The following FRMD4B variants were observed in gnomAD, a reference collection of about 807,000 sequenced individuals.
The protein encoded by FRMD4B is FERM domain-containing protein 4B.
FRMD4B carries 74 observed loss-of-function variants against 141.5 expected under a neutral mutation model. That is an observed-to-expected ratio of 0.52 (90% CI 0.43 to 0.63). FRMD4B has a LOEUF of 0.63. FRMD4B is among the 30% of genes least tolerant of loss of function. The pLI is 0.00. For synonymous variants in FRMD4B, 506 were observed against 467.9 expected, an observed-to-expected ratio of 1.08 and a Z score of -1.05; for missense variants, 1,366 against 1,253.4, an observed-to-expected ratio of 1.09 and a Z score of -1.36.
intron 7 of FRMD4B, among the ~76,000 whole-genome samples, chr3:69,244,577 G>A (rs1240080161): frequency 1.3e-5 from 2 of 152,156 alleles, no homozygotes. Flanking sequence ...AGGTTGCAGT[G>A]AGCCAAGATG....
At position 69,465,338 on chromosome 3, in the gene FRMD4B, C is replaced by T. The variant is rs542258309; in HGVS notation, c.-128-32577G>A. Among the ~76,000 whole-genome samples the T allele has an allele frequency of 3.5e-4, 52 of 149,230 alleles. No homozygotes were observed. The East Asian group carries it at 9.9e-3, about 28-fold the overall frequency. On this transcript the variant is annotated intron_variant, in intron 1 of 5. Coordinates refer to the FRMD4B transcript ENST00000459638. ...CCGTCTCAAAAAAAAAAAAAAAAAC[C>T]TTCAGGAAATACAGAATTCCATGAG...
chr3:69,243,792 T>A (rs1394796400), intron 7 of FRMD4B, among the ~76,000 whole-genome samples: 1 of 152,172 alleles, frequency 6.6e-6, no homozygotes, highest in African/African-American at 2.4e-5. Flanking sequence ...ACGCTTGTAA[T>A]CCCAGCACTT....
At chr3:69,392,228 G>A (rs73107500) in intron 2 of FRMD4B, among the ~76,000 whole-genome samples, 62,342 of 152,084 alleles carry the variant, frequency 0.41, 15,081 homozygotes, top group East Asian at 0.53. Flanking sequence ...CTAGAGGACA[G>A]TGGGGAAGTC....
chr3:69,234,244 CA>C (rs34192296), intron 7 of FRMD4B, among the ~76,000 whole-genome samples: 12,401 of 75,296 alleles, frequency 0.16, 581 homozygotes, highest in East Asian at 0.35. Context: ...GACCCTGTCT[CA>C]AAAAAAAAAA....
At chr3:69,445,634 G>A (rs530933052) in intron 1 of FRMD4B, among the ~76,000 whole-genome samples, 108 of 152,154 alleles carry the variant, frequency 7.1e-4, no homozygotes, top group African/African-American at 2.6e-3. Context: ...ACCCCACATT[G>A]GCCTCCTTTT....
At chr3:69,441,004 TG>T (rs1705333440) in intron 1 of FRMD4B, among the ~76,000 whole-genome samples, 1 of 152,180 alleles carries the variant, frequency 6.6e-6, no homozygotes, top group Non-Finnish European at 1.5e-5. Context: ...CTGAAGCAGA[TG>T]TATATTTTCT....
chr3:69,271,848 G>A (rs1177326624), intron 5 of FRMD4B, among the ~76,000 whole-genome samples: 3 of 152,006 alleles, frequency 2.0e-5, no homozygotes, highest in Admixed American at 1.3e-4. Flanking sequence ...GGTGGCGGAC[G>A]CCTATAATCC....
chr3:69,232,540 C>A (rs1426561767), intron 7 of FRMD4B, among the ~76,000 whole-genome samples: 2 of 152,164 alleles, frequency 1.3e-5, no homozygotes, highest in East Asian at 3.9e-4. Flanking sequence ...GGCTGTTTTT[C>A]TTTACTGACC....
intron 5 of FRMD4B, 122 bp from the exon 6 acceptor site, chr3:69,250,221 T>C (rs2093453794): frequency 1.3e-6 from 1 of 764,452 alleles, no homozygotes; most frequent in Admixed American, 1.8e-5. Flanking sequence ...ATGCAGATCA[T>C]ACCATTGCAG....
At chr3:69,468,423 C>G (rs1275542406) in intron 1 of FRMD4B, among the ~76,000 whole-genome samples, 3 of 152,146 alleles carry the variant, frequency 2.0e-5, no homozygotes, top group Admixed American at 1.3e-4. Flanking sequence ...TTCTTAAGCT[C>G]TCTCATGCAG....
At chr3:69,370,670 G>A (rs958273434) in intron 1 of FRMD4B, among the ~76,000 whole-genome samples, 1 of 152,170 alleles carries the variant, frequency 6.6e-6, no homozygotes, top group Non-Finnish European at 1.5e-5. Flanking sequence ...AAAGCTTCAC[G>A]GAATGCAAAC....
chr3:69,344,804 C>A (rs543483454), intron 1 of FRMD4B, among the ~76,000 whole-genome samples: 3 of 152,112 alleles, frequency 2.0e-5, no homozygotes, highest in Non-Finnish European at 4.4e-5. Context: ...ACAACGTCTG[C>A]AGAATTGTTC....
At chr3:69,302,750 A>G (rs1701257259) in intron 3 of FRMD4B, among the ~76,000 whole-genome samples, 1 of 152,238 alleles carries the variant, frequency 6.6e-6, no homozygotes, top group South Asian at 2.1e-4. Context: ...TTCGATGTCC[A>G]AGAGGATATT....
At chr3:69,405,476 G>T (rs888637338) in intron 2 of FRMD4B, among the ~76,000 whole-genome samples, 2 of 150,092 alleles carry the variant, frequency 1.3e-5, no homozygotes, top group Non-Finnish European at 2.9e-5. Flanking sequence ...GGTCTGGGAG[G>T]GTGGGTACCA....
chr3:69,527,397 C>T (rs1189779937), intron 1 of FRMD4B, among the ~76,000 whole-genome samples: 1 of 151,940 alleles, frequency 6.6e-6, no homozygotes, highest in African/African-American at 2.4e-5. Context: ...GTGGAGGTCC[C>T]GAAAAGGAGG....
chr3:69,528,004 G>C (rs1700954612), intron 1 of FRMD4B, among the ~76,000 whole-genome samples: 1 of 152,176 alleles, frequency 6.6e-6, no homozygotes, highest in Non-Finnish European at 1.5e-5. Context: ...AGTGAAGAAA[G>C]CAATTTGCAT....
intron 1 of FRMD4B, among the ~76,000 whole-genome samples, chr3:69,540,386 G>A (rs964906413): frequency 6.6e-6 from 1 of 151,430 alleles, no homozygotes; most frequent in South Asian, 2.1e-4. Context: ...AGGCCGAGGC[G>A]GGCGGATCAC....
chr3:69,272,515 A>T (rs1053710161), intron 5 of FRMD4B, among the ~76,000 whole-genome samples: 1 of 152,184 alleles, frequency 6.6e-6, no homozygotes, highest in Non-Finnish European at 1.5e-5. Context: ...TTCTGTTACT[A>T]ATCCTTTAAA....
rs1437273540 is a variant in FRMD4B at position 69,308,447 on chromosome 3, T to TG, written c.323+2815_323+2816insC. 4.2e-3 allele frequency among the ~76,000 whole-genome samples: 640 copies of TG among 151,028 alleles called. 4 individuals are homozygous for TG. The highest frequency in any genetic ancestry group is 0.014 in the African/African-American group (591 of 40,966). On this transcript the variant is annotated intron_variant, in intron 3 of 22. Transcript: ENST00000398540. ...ACTCTCATCACACTGGCTTTTTTTT[T>TG]TTTTGTTTGGGACAGGATCTCACTC...
Sources: allele counts gnomAD v4.1 joint callset (sites outside exome capture counted in the v4.1 genomes callset), GRCh38; gene constraint gnomAD v4.1.1; transcripts MANE v1.5; gene names NCBI Gene and HGNC (gene_info 2026-07-23, HGNC 2026-07-21).